The following KCNH4 variants were observed in gnomAD, a reference collection of about 807,000 sequenced individuals.
KCNH4 encodes voltage-gated delayed rectifier potassium channel KCNH4.
A neutral mutation model predicts 90.7 loss-of-function variants in KCNH4; 33 were observed. The ratio of observed to expected loss-of-function variants is 0.36; its 90% CI spans 0.28 to 0.49. The LOEUF (loss-of-function observed/expected upper bound fraction) is 0.49. KCNH4 is among the 20% of genes least tolerant of loss of function. The probability of loss-of-function intolerance (pLI) is 0.98; values close to 1 mark genes in which losing one functional copy is unlikely to be tolerated. For missense variants in KCNH4, 1,044 were observed against 1,387.1 expected, an observed-to-expected ratio of 0.75 and a Z score of 3.93; for synonymous variants, 551 against 581.7, an observed-to-expected ratio of 0.95 and a Z score of 0.76.
At position 42,165,535 on chromosome 17, in the gene KCNH4, T is replaced by C. The variant is rs572218290; in HGVS notation, c.1999A>G (p.Arg667Gly). 3.1e-6 allele frequency: 5 copies of C among 1,614,036 alleles called. No individual in the cohort carries two copies. Among genetic ancestry groups the C allele is most frequent in the African/African-American group, 1.3e-5 (1 of 74,910 alleles). The change falls in exon 11 of 17, where the codon AGG becomes GGG. Residue 667 changes from arginine to glycine, a missense_variant. Coordinates refer to ENST00000264661, the MANE Select transcript of KCNH4 (RefSeq NM_012285.3). The stretch of plus-strand genomic sequence containing the variant: ...GCAGCCCCATACTCAGGATAGAGCC[T>C]CAGGACCTCAGCCAGCCCTCGGCTG... ...LSSRGLAEVL[R>G]LYPEYGAAFR...
chr17:42,178,038 AG>A lies in KCNH4; in HGVS notation c.585+61del, dbSNP rs953458621. ...GACAGGGAAGTGGGGAGACAGTGGCAGGGGTGCCTCAGAATCAAGGCTGGAG... is the reference window on the plus strand; with the variant it reads ...GACAGGGAAGTGGGGAGACAGTGGCAGGGTGCCTCAGAATCAAGGCTGGAG... On this transcript the variant is annotated intron_variant, in intron 4 of 16. Transcript: ENST00000264661. 2.5e-6 allele frequency: 4 copies of A among 1,574,846 alleles called. No homozygotes were observed. In the African/African-American group the frequency reaches 5.4e-5, roughly 21 times the overall value.
intron 11 of KCNH4, among the ~76,000 whole-genome samples, chr17:42,164,691 A>G (rs2079773937): frequency 6.6e-6 from 1 of 152,008 alleles, no homozygotes; most frequent in Non-Finnish European, 1.5e-5. Context: ...CATCCCAGCT[A>G]CTTGGGAGGC....
chr17:42,160,368 T>A lies in KCNH4; in HGVS notation c.2726A>T (p.Gln909Leu). ...GTGGCCTGGGGGACCCAGCCTGGCC[T>A]GCAGCAGGCCCATGATGTGCCGCAG... is the stretch of plus-strand genomic sequence containing the variant. ...RELRHIMGLL[Q>L]ARLGPPGHPA... Residue 909 changes from glutamine to leucine, a missense_variant, in exon 16 of 17, where the codon CAG (glutamine) becomes CTG (leucine). By Grantham distance (113) the Gln-to-Leu change is moderately radical. Around this residue, in one of 4 missense-constraint regions of KCNH4, gnomAD observed 441 missense variants for 512.3 expected, o/e 0.86. Coordinates refer to ENST00000264661, the MANE Select transcript of KCNH4 (RefSeq NM_012285.3). The A allele has an allele frequency of 6.2e-7, 1 of 1,613,928 alleles. No individual in the cohort carries two copies. The highest frequency in any genetic ancestry group is 8.5e-7 in the Non-Finnish European group (1 of 1,179,890).
At chr17:42,159,505 G>A (rs1204819144) in intron 16 of KCNH4, among the ~76,000 whole-genome samples, 1 of 152,112 alleles carries the variant, frequency 6.6e-6, no homozygotes, top group Non-Finnish European at 1.5e-5. Context: ...CAAATTCCAA[G>A]CAACATCTCA....
At chr17:42,160,798 A>G (rs1415269900) in intron 15 of KCNH4, among the ~76,000 whole-genome samples, 1 of 152,232 alleles carries the variant, frequency 6.6e-6, no homozygotes, top group Non-Finnish European at 1.5e-5. Flanking sequence ...TTCAGCGACT[A>G]GAGAATCAAC....
chr17:42,168,289 G>A (rs1421555724), intron 9 of KCNH4, among the ~76,000 whole-genome samples: 2 of 152,154 alleles, frequency 1.3e-5, no homozygotes, highest in Non-Finnish European at 2.9e-5. Context: ...GGAAATGTTG[G>A]CAGAAGGGAG....
At chr17:42,174,889 T>C (rs975922449) in intron 6 of KCNH4, among the ~76,000 whole-genome samples, 2 of 152,188 alleles carry the variant, frequency 1.3e-5, no homozygotes, top group Admixed American at 1.3e-4. Flanking sequence ...AAATGCTTGC[T>C]GTCCTCATCT....
intron 7 of KCNH4, 63 bp downstream of exon 7, chr17:42,171,725 C>T (rs2079828062): frequency 1.4e-6 from 2 of 1,441,202 alleles, no homozygotes; most frequent in African/African-American, 1.4e-5. Context: ...CTGGTGGAGG[C>T]ATCAGCTTGG....
chr17:42,173,373 A>G (rs1204296261), intron 6 of KCNH4, among the ~76,000 whole-genome samples: 9 of 152,140 alleles, frequency 5.9e-5, no homozygotes, highest in South Asian at 2.1e-4. Context: ...GACCCTCGCC[A>G]GGGTTTAATG....
At chr17:42,179,059 G>A in intron 1 of KCNH4, 33 bp from the exon 2 acceptor site, 1 of 1,546,748 alleles carries the variant, frequency 6.5e-7, no homozygotes, top group Non-Finnish European at 8.9e-7. Flanking sequence ...TCAGGTCAAG[G>A]CTGGGAGGCG....
intron 15 of KCNH4, among the ~76,000 whole-genome samples, chr17:42,160,920 C>CTTTTTT (rs57677761): frequency 0.015 from 1,095 of 73,358 alleles, no homozygotes; most frequent in Middle Eastern, 0.037. Flanking sequence ...TTTTCTTTTT[C>CTTTTTT]TTTTTTTTTT....
chr17:42,160,920 C>CT lies in KCNH4; in HGVS notation c.2659-486dup, dbSNP rs57677761. 5.9e-3 allele frequency among the ~76,000 whole-genome samples: 431 copies of CT among 73,200 alleles called. 2 individuals carry two copies. The highest frequency in any genetic ancestry group is 8.1e-3 in the Admixed American group (45 of 5,576). 48.0% of individuals were successfully genotyped at this position (73,200 alleles called of 152,430 possible). ...TGTCAGGTAGTTCTTTTTTCTTTTT[C>CT]TTTTTTTTTTTTTTTTTTTTTTTTT... is the stretch of plus-strand genomic sequence containing the variant. On this transcript the variant is annotated intron_variant, in intron 15 of 16. Coordinates refer to ENST00000264661, the MANE Select transcript of KCNH4 (RefSeq NM_012285.3).
chr17:42,178,537 C>T lies in KCNH4; in HGVS notation c.311-60G>A, dbSNP rs1598278918. The T allele has an allele frequency of 4.5e-6, 7 of 1,567,558 alleles. No individual in the cohort carries two copies. The East Asian group carries it at 9.2e-5, about 21-fold the overall frequency. ...GGCAGCCCCATGGCATGCCTTTCTC[C>T]TCATCCCTCTCATCCTCCTAGACAT... On this transcript the variant is annotated intron_variant, in intron 2 of 16. Transcript: ENST00000264661.
At chr17:42,160,960 C>T (rs9906702) in intron 15 of KCNH4, among the ~76,000 whole-genome samples, 17,853 of 120,808 alleles carry the variant, frequency 0.15, 1,343 homozygotes, top group East Asian at 0.43. Context: ...TGGAGTCTCA[C>T]TCTGTTGCCA....
chr17:42,163,613 T>C lies in KCNH4; in HGVS notation c.2470A>G (p.Ser824Gly). 1 of 1,452,536 alleles carries C rather than the reference T, an allele frequency of 6.9e-7. No individual in the cohort carries two copies. Among genetic ancestry groups the C allele is most frequent in the Non-Finnish European group, 9.3e-7 (1 of 1,078,876 alleles). 90.0% of individuals were successfully genotyped at this position (1,452,536 alleles called of 1,614,324 possible). The change falls in exon 13 of 17, where the codon AGT becomes GGT. Residue 824 changes from serine to glycine, a missense_variant. By Grantham distance (56) the Ser-to-Gly change is moderately conservative. Around this residue, in one of 4 missense-constraint regions of KCNH4, gnomAD observed 441 missense variants for 512.3 expected, o/e 0.86. Transcript: ENST00000264661. The surrounding 1 kb of genome is among the most constrained non-coding windows in gnomAD (Gnocchi z 5.4). Reference sequence around the variant, plus strand: ...GGGAGGCTGGCGTCTCACCGGGGACTGAGGTCCGGAGGTCCAAAGGTTCCC... The same window carrying C: ...GGGAGGCTGGCGTCTCACCGGGGACCGAGGTCCGGAGGTCCAAAGGTTCCC... ...PLGTFGPPDL[S>G]PRIVDGIEDS... is the part of the protein sequence containing the mutation.
At position 42,163,908 on chromosome 17, in the gene KCNH4, G is replaced by A. The variant is rs765701205; in HGVS notation, c.2175C>T (p.Ile725=). ...GSSSDKTLPS[I]TEAESGAEPG... is the part of the protein sequence containing the mutation. ...GCTCCGCGCCACTCTCGGCCTCTGTGATGGATGGCAGCGTCTTGTCTGAGG... is the reference window on the plus strand; with the variant it reads ...GCTCCGCGCCACTCTCGGCCTCTGTAATGGATGGCAGCGTCTTGTCTGAGG... The change falls in exon 13 of 17, where the codon ATC becomes ATT. Residue 725 remains isoleucine (I), a synonymous_variant. Coordinates refer to ENST00000264661, the MANE Select transcript of KCNH4 (RefSeq NM_012285.3). The surrounding 1 kb of genome is among the most constrained non-coding windows in gnomAD (Gnocchi z 5.4). 1 of 1,547,808 alleles carries A rather than the reference G, an allele frequency of 6.5e-7. No individual in the cohort carries two copies. The highest frequency in any genetic ancestry group is 1.2e-5 in the South Asian group (1 of 83,824).
intron 6 of KCNH4, 75 bp downstream of exon 6, chr17:42,175,504 G>A: frequency 6.5e-7 from 1 of 1,535,012 alleles, no homozygotes; most frequent in South Asian, 1.1e-5. Context: ...TCTGGGTTTG[G>A]GGTCAGTCCC....
At position 42,178,932 on chromosome 17, in the gene KCNH4, G is replaced by A. The variant is rs1352655403; in HGVS notation, c.171C>T (p.Arg57=). The A allele has an allele frequency of 6.2e-7, 1 of 1,614,114 alleles. No individual in the cohort carries two copies. Among genetic ancestry groups the A allele is most frequent in the Non-Finnish European group, 8.5e-7 (1 of 1,180,048 alleles). The change falls in exon 2 of 17, where the codon CGC becomes CGT. Residue 57 remains arginine (R), a synonymous_variant. Transcript: ENST00000264661. The stretch of plus-strand genomic sequence containing the variant: ...TGCAGGTCTTCTGCATGACCTCGGT[G>A]CGACCGTAGCCTGTGAGCTCGCAGA... ...DGFCELTGYG[R]TEVMQKTCSC...
chr17:42,158,712 G>A (rs2079725012), intron 16 of KCNH4, among the ~76,000 whole-genome samples: 1 of 150,394 alleles, frequency 6.6e-6, no homozygotes, highest in Non-Finnish European at 1.5e-5. Context: ...GCGGGCGCCT[G>A]TAGTCCCAGC....
Sources: gnomAD v4.1 joint callset for allele counts (sites outside exome capture counted in the v4.1 genomes callset) on GRCh38, gnomAD v4.1.1 for gene constraint, gnomAD v4.1.1 regional missense constraint, Gnocchi (gnomAD v3.1) non-coding constraint, MANE v1.5 for transcripts, NCBI Gene and HGNC (gene_info 2026-07-23, HGNC 2026-07-21) for gene names.